TAOK1: variants seen among roughly 807,000 people sequenced by gnomAD.
TAOK1 encodes the protein serine/threonine-protein kinase TAO1.
A neutral mutation model predicts 138.3 loss-of-function variants in TAOK1; 21 were observed. That is an observed-to-expected ratio of 0.15 (90% CI 0.11 to 0.22). The LOEUF is 0.22. TAOK1 is among the 10% of genes least tolerant of loss of function. The pLI, the probability that TAOK1 is intolerant of heterozygous loss-of-function variation, is 1.00. For missense variants in TAOK1, 651 were observed against 1,227.7 expected, an observed-to-expected ratio of 0.53 and a Z score of 7.02; for synonymous variants, 361 against 398.4, an observed-to-expected ratio of 0.91 and a Z score of 1.12.
At chr17:29,494,367 G>A (rs1472284554) in intron 10 of TAOK1, among the ~76,000 whole-genome samples, 1 of 152,044 alleles carries the variant, frequency 6.6e-6, no homozygotes, top group Non-Finnish European at 1.5e-5. Flanking sequence ...AAATTAGCTG[G>A]ACATGGTGGT....
At chr17:29,466,637 C>G (rs998920176) in intron 2 of TAOK1, among the ~76,000 whole-genome samples, 1 of 152,062 alleles carries the variant, frequency 6.6e-6, no homozygotes, top group Non-Finnish European at 1.5e-5. Flanking sequence ...TTCTATTTTT[C>G]TCTTATATAT....
At chr17:29,495,926 T>G (rs544520924) in intron 11 of TAOK1, among the ~76,000 whole-genome samples, 199 bp downstream of exon 11, 43 of 151,922 alleles carry the variant, frequency 2.8e-4, no homozygotes, top group Middle Eastern at 3.4e-3. Flanking sequence ...AAAAAAAAAG[T>G]TTTTTTTAAG....
chr17:29,533,800 AG>A (rs1173826453), intron 18 of TAOK1, among the ~76,000 whole-genome samples: 2 of 139,164 alleles, frequency 1.4e-5, no homozygotes, highest in African/African-American at 2.7e-5. Context: ...AGTACAGTCC[AG>A]CTTCGGCTCG....
In TAOK1 at chr17:29,492,902, A is replaced by T. The variant is rs180877297; in HGVS notation, c.831+1037A>T. Among the ~76,000 whole-genome samples the T allele has an allele frequency of 1.8e-3, 267 of 152,360 alleles. 1 individual carries two copies. The highest frequency in any genetic ancestry group is 5.8e-3 in the African/African-American group (240 of 41,594). ...ACGCCTGTAACCCCAGCTCTTTGGG[A>T]GGCCGAGGCGGGCGGATCACTTGAG... On this transcript the variant is annotated intron_variant, in intron 10 of 19. Coordinates refer to ENST00000261716, the MANE Select transcript of TAOK1 (RefSeq NM_020791.4).
At chr17:29,417,455 A>T (rs1905296459) in intron 1 of TAOK1, among the ~76,000 whole-genome samples, 1 of 152,108 alleles carries the variant, frequency 6.6e-6, no homozygotes, top group African/African-American at 2.4e-5. Flanking sequence ...TTCTTTCCAC[A>T]AAAGTTTATT....
chr17:29,547,388 C>T lies in TAOK1; in HGVS notation c.*4366C>T, dbSNP rs912663599. On this transcript the variant is annotated 3_prime_UTR_variant, in exon 20 of 20. Transcript: ENST00000261716. ...GGCTTTCTCCCTTTACCTGCCTCTT[C>T]TTGCTTGCTAATAGTAAGTTCTTTG... 6.6e-6 allele frequency: 1 copy of T among 152,058 alleles called. No individual in the cohort carries two copies. Among genetic ancestry groups the T allele is most frequent in the Non-Finnish European group, 1.5e-5 (1 of 67,958 alleles). The allele number at this position is 152,058 out of a possible 1,614,324, so 9.4% of individuals were successfully genotyped here. A position where few individuals can be genotyped will look rare whatever the true frequency, so the allele number is the denominator to read the frequency against.
intron 15 of TAOK1, among the ~76,000 whole-genome samples, chr17:29,515,339 C>G (rs2031795930): frequency 6.6e-6 from 1 of 152,078 alleles, no homozygotes; most frequent in Admixed American, 6.6e-5. Flanking sequence ...TGTCCTAGTT[C>G]ACTCGTGATT....
At chr17:29,419,222 G>T (rs1181408957) in intron 1 of TAOK1, among the ~76,000 whole-genome samples, 1 of 151,428 alleles carries the variant, frequency 6.6e-6, no homozygotes, top group East Asian at 1.9e-4. Context: ...TTGAGATGGA[G>T]TTTCACGCTT....
At position 29,426,912 on chromosome 17, in the gene TAOK1, C is replaced by G. The variant is rs145046282; in HGVS notation, c.-94-24543C>G. Among the ~76,000 whole-genome samples, 1,023 of 152,188 alleles carry G rather than the reference C, an allele frequency of 6.7e-3. 8 individuals are homozygous for G. Among genetic ancestry groups the G allele is most frequent in the Non-Finnish European group, 6.9e-3 (467 of 68,018 alleles). ...ATAGTAGAGCAAAATAGATTATATG[C>G]TAGAGCTAAGCTGTCCAATATGGTG... On this transcript the variant is annotated intron_variant, in intron 1 of 19. Coordinates refer to ENST00000261716, the MANE Select transcript of TAOK1 (RefSeq NM_020791.4).
chr17:29,527,471 A>T (rs1425290008), intron 17 of TAOK1, among the ~76,000 whole-genome samples: 1 of 152,144 alleles, frequency 6.6e-6, no homozygotes, highest in Non-Finnish European at 1.5e-5. Flanking sequence ...TCTCAAAAAT[A>T]AAAACAGTGC....
chr17:29,494,784 C>T (rs926832911), intron 10 of TAOK1, among the ~76,000 whole-genome samples: 4 of 148,024 alleles, frequency 2.7e-5, no homozygotes, highest in African/African-American at 1.0e-4. Flanking sequence ...CGCAATCGCG[C>T]CACTGCACTC....
At chr17:29,533,559 C>T (rs1159625830) in intron 18 of TAOK1, among the ~76,000 whole-genome samples, 3 of 152,018 alleles carry the variant, frequency 2.0e-5, no homozygotes, top group African/African-American at 7.2e-5. Context: ...CCATTGAGCA[C>T]TGAGTGAACG....
In TAOK1 at chr17:29,549,673, T is replaced by A. The variant is rs1051629830; in HGVS notation, c.*6651T>A. On this transcript the variant is annotated 3_prime_UTR_variant, in exon 20 of 20. Transcript: ENST00000261716. Reference sequence around the variant, plus strand: ...GTGGTCTATGTGACCATTTGTCTCGTATCCAAAAACCCCGGGGCTATTGGA... The same window carrying A: ...GTGGTCTATGTGACCATTTGTCTCGAATCCAAAAACCCCGGGGCTATTGGA... 6.6e-6 allele frequency: 1 copy of A among 152,216 alleles called. No homozygotes were observed. The highest frequency in any genetic ancestry group is 2.4e-5 in the African/African-American group (1 of 41,466). The allele number at this position is 152,216 out of a possible 1,614,324, so 9.4% of individuals were successfully genotyped here.
chr17:29,471,886 G>A (rs1193196310), intron 3 of TAOK1, among the ~76,000 whole-genome samples: 1 of 152,168 alleles, frequency 6.6e-6, no homozygotes, highest in Admixed American at 6.5e-5. Context: ...TATCAACTAA[G>A]TTTATGTAAT....
intron 1 of TAOK1, among the ~76,000 whole-genome samples, chr17:29,428,420 G>T (rs1905717028): frequency 1.3e-5 from 2 of 152,158 alleles, no homozygotes; most frequent in Admixed American, 6.6e-5. Flanking sequence ...AAATGCCATA[G>T]AGGTAGAATC....
rs944167414 is a variant in TAOK1 at position 29,390,831 on chromosome 17, C to T, written c.-288C>T. On this transcript the variant is annotated 5_prime_UTR_variant, in exon 1 of 20. Transcript: ENST00000261716. Reference sequence around the variant, plus strand: ...ACCCCGGTCGTCCCCTCGCCCCCCCCCCCACCCCCCGCCGCCGCCGCCCCT... The same window carrying T: ...ACCCCGGTCGTCCCCTCGCCCCCCCTCCCACCCCCCGCCGCCGCCGCCCCT... 1 of 151,036 alleles carries T rather than the reference C, an allele frequency of 6.6e-6. No homozygotes were observed. The highest frequency in any genetic ancestry group is 2.4e-5 in the African/African-American group (1 of 41,286). 9.4% of individuals were successfully genotyped at this position (151,036 alleles called of 1,614,324 possible).
intron 1 of TAOK1, among the ~76,000 whole-genome samples, chr17:29,431,256 C>T (rs879433348): frequency 6.6e-6 from 1 of 152,030 alleles, no homozygotes; most frequent in Non-Finnish European, 1.5e-5. Context: ...GCCTGGGCAA[C>T]ATAACAAGAC....
At chr17:29,445,961 T>C (rs1216622833) in intron 1 of TAOK1, among the ~76,000 whole-genome samples, 1 of 152,178 alleles carries the variant, frequency 6.6e-6, no homozygotes, top group Non-Finnish European at 1.5e-5. Context: ...TACATATGAC[T>C]AATCAGGTTA....
At chr17:29,450,503 A>G (rs1306731346) in intron 1 of TAOK1, among the ~76,000 whole-genome samples, 3 of 151,366 alleles carry the variant, frequency 2.0e-5, no homozygotes, top group Non-Finnish European at 2.9e-5. Flanking sequence ...CTTAATTATG[A>G]CATCCAGTTT....
Sources: gnomAD v4.1 joint callset for allele counts (sites outside exome capture counted in the v4.1 genomes callset) on GRCh38, gnomAD v4.1.1 for gene constraint, MANE v1.5 for transcripts, NCBI Gene and HGNC (gene_info 2026-07-23, HGNC 2026-07-21) for gene names.